The following CHRM2 variants were observed in gnomAD, a reference collection of about 807,000 sequenced individuals.
The protein encoded by CHRM2 is cholinergic receptor muscarinic 2.
Under a neutral mutation model 25.0 loss-of-function variants are expected in CHRM2, and 8 were observed. That is an observed-to-expected ratio of 0.32 (90% CI 0.19 to 0.58). The LOEUF is 0.58. Ranked by LOEUF, CHRM2 falls within the 20% of genes least tolerant of loss-of-function variation. The probability of loss-of-function intolerance (pLI) is 0.88; values close to 1 mark genes in which losing one functional copy is unlikely to be tolerated. For missense variants in CHRM2, 440 were observed against 567.1 expected (o/e 0.78, Z 2.28); for synonymous variants, 202 against 205.7 (o/e 0.98, Z 0.15).
intron 2 of CHRM2, among the ~76,000 whole-genome samples, chr7:136,936,481 T>C (rs1484312757): frequency 6.6e-6 from 1 of 152,192 alleles, no homozygotes; most frequent in Admixed American, 6.5e-5. Context: ...ATGACTAATG[T>C]AAAAATTGTC....
At chr7:136,992,384 A>T (rs1310315188) in intron 3 of CHRM2, 120 bp downstream of exon 3, 2 of 152,208 alleles carry the variant, frequency 1.3e-5, no homozygotes, top group African/African-American at 2.4e-5. Flanking sequence ...ATTAAACATC[A>T]GTTACTCTTA....
At chr7:136,871,952 A>G (rs1795857681) in intron 2 of CHRM2, 1 of 152,234 alleles carries the variant, frequency 6.6e-6, no homozygotes, top group African/African-American at 2.4e-5. Context: ...AATACAATGG[A>G]TAAGCAACTT....
chr7:136,985,016 A>C (rs1246053907), intron 2 of CHRM2, among the ~76,000 whole-genome samples: 1 of 152,106 alleles, frequency 6.6e-6, no homozygotes, highest in African/African-American at 2.4e-5. Flanking sequence ...TATTCTACAG[A>C]AAGTTTGTTT....
intron 3 of CHRM2, among the ~76,000 whole-genome samples, chr7:137,011,040 C>T (rs570283412): frequency 1.3e-5 from 2 of 151,794 alleles, no homozygotes; most frequent in East Asian, 2.0e-4. Context: ...AGTTTTATCA[C>T]GTTAAGGGAA....
chr7:137,000,348 G>A lies in CHRM2; in HGVS notation c.-47+8084G>A, dbSNP rs945872241. 4.0e-5 allele frequency among the ~76,000 whole-genome samples: 6 copies of A among 150,802 alleles called. No homozygotes were observed. In the East Asian group the frequency reaches 7.8e-4, roughly 20 times the overall value. On this transcript the variant is annotated intron_variant, in intron 3 of 3. Transcript: ENST00000680005. ...AGAGTAGCCGGGATTATAAATGCCC[G>A]CCACTATGCCCAGCTATTTTTTTGT...
At chr7:136,890,497 C>T (rs962580753) in intron 2 of CHRM2, among the ~76,000 whole-genome samples, 1 of 152,190 alleles carries the variant, frequency 6.6e-6, no homozygotes, top group African/African-American at 2.4e-5. Flanking sequence ...TTGCCATGTT[C>T]TGCAGTAGTG....
chr7:136,979,414 T>C (rs972766513), intron 2 of CHRM2, among the ~76,000 whole-genome samples: 2 of 152,220 alleles, frequency 1.3e-5, no homozygotes, highest in Admixed American at 1.3e-4. Flanking sequence ...ACTCTGATGA[T>C]AGTTTCTTTT....
In CHRM2 at chr7:136,964,170, GAATAT is replaced by G. The variant is rs1260557552; in HGVS notation, c.-124-28013_-124-28009del. ...TTCTGACAGTAGAAAATTTTCATTAGAATATAATTTTCAAAAAAAATTATTATTAG... is the reference window on the plus strand; with the variant it reads ...TTCTGACAGTAGAAAATTTTCATTAGAATTTTCAAAAAAAATTATTATTAG... On this transcript the variant is annotated intron_variant, in intron 2 of 3. Coordinates refer to ENST00000680005, the MANE Select transcript of CHRM2 (RefSeq NM_001006630.2). Among the ~76,000 whole-genome samples the G allele has an allele frequency of 2.6e-5, 4 of 151,848 alleles. No individual in the cohort carries two copies. The South Asian group carries it at 6.2e-4, about 24-fold the overall frequency.
chr7:136,885,564 C>A (rs538809275), intron 2 of CHRM2, among the ~76,000 whole-genome samples: 4 of 152,204 alleles, frequency 2.6e-5, no homozygotes, highest in African/African-American at 9.7e-5. Flanking sequence ...GATATTAATG[C>A]ACTAGAAATG....
At chr7:136,882,185 G>A (rs891794047) in intron 2 of CHRM2, among the ~76,000 whole-genome samples, 2 of 151,894 alleles carry the variant, frequency 1.3e-5, no homozygotes, top group African/African-American at 4.8e-5. Flanking sequence ...CTTTACACAC[G>A]GAAGCTAATG....
chr7:136,930,519 A>C (rs1277514432), intron 2 of CHRM2, among the ~76,000 whole-genome samples: 1 of 152,184 alleles, frequency 6.6e-6, no homozygotes, highest in East Asian at 1.9e-4. Flanking sequence ...TTAAAATTTG[A>C]GAAACCTTTC....
At chr7:136,901,290 T>C (rs2130619685) in intron 2 of CHRM2, among the ~76,000 whole-genome samples, 1 of 152,168 alleles carries the variant, frequency 6.6e-6, no homozygotes, top group Middle Eastern at 3.4e-3. Flanking sequence ...GTGGGTTGCA[T>C]GCAGTTCTAG....
At chr7:136,982,823 A>G (rs1802573394) in intron 2 of CHRM2, among the ~76,000 whole-genome samples, 1 of 152,166 alleles carries the variant, frequency 6.6e-6, no homozygotes, top group Non-Finnish European at 1.5e-5. Flanking sequence ...TGTTAGTCTG[A>G]TGGGCTTCCT....
In CHRM2 at chr7:137,015,608, T is replaced by A; in HGVS notation, c.743T>A (p.Met248Lys). The A allele has an allele frequency of 6.2e-7, 1 of 1,612,912 alleles. No individual in the cohort carries two copies. Among genetic ancestry groups the A allele is most frequent in the Non-Finnish European group, 8.5e-7 (1 of 1,179,530 alleles). ...ATAGTGAAGCCAAACAATAACAACA[T>A]GCCCAGCAGTGACGATGGCCTGGAG... ...GRIVKPNNNN[M>K]PSSDDGLEHN... is the part of the protein sequence containing the mutation. The change falls in exon 4 of 4, where the codon ATG becomes AAG. Residue 248 changes from methionine to lysine, a missense_variant. This residue lies in a region of CHRM2 where 261 missense variants were observed against 261.8 expected (regional missense o/e 1.00). Coordinates refer to ENST00000680005, the MANE Select transcript of CHRM2 (RefSeq NM_001006630.2). This position sits in a 1 kb window ranked among gnomAD's most constrained non-coding sequence, Gnocchi z 5.1.
rs564329942 is a variant in CHRM2 at position 137,012,349 on chromosome 7, T to C, written c.-46-2471T>C. On this transcript the variant is annotated intron_variant, in intron 3 of 3. Coordinates refer to ENST00000680005, the MANE Select transcript of CHRM2 (RefSeq NM_001006630.2). ...ATAAATTACCATGAATATACAATTG[T>C]ATGATTAATTGCAAAAAAGGATTGT... is the stretch of plus-strand genomic sequence containing the variant. Among the ~76,000 whole-genome samples, 42 of 152,176 alleles carry C rather than the reference T, an allele frequency of 2.8e-4. 1 individual carries two copies. The Middle Eastern group carries it at 0.014, about 49-fold the overall frequency.
chr7:137,010,637 C>T (rs139372105), intron 3 of CHRM2, among the ~76,000 whole-genome samples: 1 of 151,912 alleles, frequency 6.6e-6, no homozygotes, highest in African/African-American at 2.4e-5. Flanking sequence ...CCTTCCACTG[C>T]TTGCGATTGC....
intron 2 of CHRM2, among the ~76,000 whole-genome samples, chr7:136,954,283 G>T (rs1421587680): frequency 1.3e-5 from 2 of 152,078 alleles, no homozygotes; most frequent in Non-Finnish European, 2.9e-5. Context: ...AAAGTTGGTG[G>T]TCTGTTGTCT....
intron 2 of CHRM2, among the ~76,000 whole-genome samples, chr7:136,950,369 G>A (rs1188723195): frequency 6.6e-6 from 1 of 152,146 alleles, no homozygotes; most frequent in Non-Finnish European, 1.5e-5. Context: ...GGATGCTCCT[G>A]TCCCTGCGGG....
chr7:136,969,084 A>C (rs1395598911), intron 2 of CHRM2, among the ~76,000 whole-genome samples: 1 of 152,162 alleles, frequency 6.6e-6, no homozygotes, highest in Non-Finnish European at 1.5e-5. Flanking sequence ...TTTTGCTTGG[A>C]AAGAAGCAAG....
Sources: allele counts gnomAD v4.1 joint callset (sites outside exome capture counted in the v4.1 genomes callset), GRCh38; gene constraint gnomAD v4.1.1; regional missense constraint gnomAD v4.1.1; non-coding constraint Gnocchi (gnomAD v3.1); transcripts MANE v1.5; gene names NCBI Gene and HGNC (gene_info 2026-07-23, HGNC 2026-07-21).